CCDC68: variants seen among roughly 807,000 people sequenced by gnomAD.
CCDC68 encodes coiled-coil domain containing 68, also known as coiled-coil domain-containing protein 68.
In CCDC68, 45 loss-of-function variants were observed where a neutral mutation model predicts 47.1. The observed-to-expected ratio is 0.96, with a 90% CI of 0.75 to 1.23. The LOEUF is 1.23. Ranked by LOEUF, CCDC68 falls within the 50% of genes most tolerant of loss-of-function variation. CCDC68 has a pLI of 0.00. For synonymous variants in CCDC68, 131 were observed against 129.5 expected, an observed-to-expected ratio of 1.01 and a Z score of -0.08; for missense variants, 353 against 373.6, an observed-to-expected ratio of 0.94 and a Z score of 0.45.
intron 7 of CCDC68, among the ~76,000 whole-genome samples, chr18:54,930,070 A>G (rs967455470): frequency 2.6e-5 from 4 of 152,198 alleles, no homozygotes; most frequent in Non-Finnish European, 4.4e-5. Flanking sequence ...CCGGTAGAAG[A>G]CATAATCCCA....
chr18:54,948,576 C>T (rs1555678755), intron 1 of CCDC68, among the ~76,000 whole-genome samples: 3 of 152,180 alleles, frequency 2.0e-5, no homozygotes. Context: ...GAGACTGTAA[C>T]AAGAGTGTTT....
intron 11 of CCDC68, among the ~76,000 whole-genome samples, chr18:54,906,313 C>T (rs916359459): frequency 2.6e-5 from 4 of 152,088 alleles, no homozygotes; most frequent in Non-Finnish European, 5.9e-5. Flanking sequence ...CCCCATTTGG[C>T]CTTTCCCAAG....
chr18:54,937,850 G>T, intron 5 of CCDC68, 107 bp downstream of exon 5: 1 of 840,912 alleles, frequency 1.2e-6, no homozygotes, highest in Non-Finnish European at 1.8e-6. Context: ...TGGACCTATG[G>T]ATGTGTGTGG....
At chr18:54,944,858 A>G (rs2044499783) in intron 2 of CCDC68, among the ~76,000 whole-genome samples, 1 of 152,226 alleles carries the variant, frequency 6.6e-6, no homozygotes, top group Non-Finnish European at 1.5e-5. Flanking sequence ...TTAACCTGAG[A>G]GACACCATTA....
rs1162357729 is a variant in CCDC68, at chr18:54,912,654, A to G, written c.874-4792T>C. On this transcript the variant is annotated intron_variant, in intron 10 of 11. Coordinates refer to ENST00000591504, the MANE Select transcript of CCDC68 (RefSeq NM_025214.3). ...TGTATACACATACACACACACACACATTTAATCACCCAGTGTATTAGTCTG... is the reference window on the plus strand; with the variant it reads ...TGTATACACATACACACACACACACGTTTAATCACCCAGTGTATTAGTCTG... Among the ~76,000 whole-genome samples, 4 of 152,186 alleles carry G rather than the reference A, an allele frequency of 2.6e-5. No individual in the cohort carries two copies. The East Asian group carries it at 7.7e-4, about 29-fold the overall frequency.
chr18:54,924,649 G>C (rs774587143), intron 8 of CCDC68, among the ~76,000 whole-genome samples: 3 of 152,194 alleles, frequency 2.0e-5, no homozygotes, highest in Non-Finnish European at 2.9e-5. Flanking sequence ...GCAGAAATGT[G>C]AAAAGAAATT....
chr18:54,921,951 G>C (rs994101444), intron 8 of CCDC68, among the ~76,000 whole-genome samples: 1 of 152,094 alleles, frequency 6.6e-6, no homozygotes, highest in Non-Finnish European at 1.5e-5. Context: ...TAGGGAATCC[G>C]AACCAAGTAA....
chr18:54,930,952 A>G (rs557468279), intron 7 of CCDC68, among the ~76,000 whole-genome samples: 5 of 151,690 alleles, frequency 3.3e-5, no homozygotes, highest in African/African-American at 1.2e-4. Flanking sequence ...TCCTGACCTC[A>G]GGTGATCCAC....
chr18:54,951,407 G>C, intron 1 of CCDC68, among the ~76,000 whole-genome samples: 1 of 152,160 alleles, frequency 6.6e-6, no homozygotes, highest in South Asian at 2.1e-4. Context: ...TATATGCCAG[G>C]TAGGGTATGC....
chr18:54,956,927 T>A (rs1045239456), intron 1 of CCDC68, among the ~76,000 whole-genome samples: 21 of 151,376 alleles, frequency 1.4e-4, no homozygotes, highest in Non-Finnish European at 2.4e-4. Flanking sequence ...AAAGCTTTTT[T>A]AAAAAAAAAT....
intron 7 of CCDC68, among the ~76,000 whole-genome samples, chr18:54,933,904 A>C (rs2044303786): frequency 6.6e-6 from 1 of 152,254 alleles, no homozygotes; most frequent in African/African-American, 2.4e-5. Context: ...ATTTTTAAAC[A>C]AATCAAGTTT....
intron 8 of CCDC68, among the ~76,000 whole-genome samples, chr18:54,923,473 A>C (rs918533969): frequency 1.3e-5 from 2 of 152,102 alleles, no homozygotes; most frequent in African/African-American, 4.8e-5. Context: ...TTGGCCTCAA[A>C]ATAGAAGAAA....
intron 5 of CCDC68, 43 bp downstream of exon 5, chr18:54,937,914 C>T (rs982691892): frequency 4.1e-5 from 64 of 1,574,262 alleles, no homozygotes; most frequent in Non-Finnish European, 4.9e-5. Flanking sequence ...TCTATTAGCT[C>T]GAAGGCTCAA....
At chr18:54,924,420 G>A (rs2044112530) in intron 8 of CCDC68, among the ~76,000 whole-genome samples, 1 of 152,026 alleles carries the variant, frequency 6.6e-6, no homozygotes, top group Non-Finnish European at 1.5e-5. Context: ...TCCCAGACTT[G>A]GAGCTGGAAA....
Position 54,904,056 on chromosome 18 carries a change from G to GAA in CCDC68, c.*300_*301dup. 1 of 257,866 alleles carries GAA rather than the reference G, an allele frequency of 3.9e-6. No homozygotes were observed. The highest frequency in any genetic ancestry group is 7.2e-6 in the Non-Finnish European group (1 of 139,512). The allele number at this position is 257,866 out of a possible 1,614,324, so 16.0% of individuals were successfully genotyped here. On this transcript the variant is annotated 3_prime_UTR_variant, in exon 12 of 12. Coordinates refer to ENST00000591504, the MANE Select transcript of CCDC68 (RefSeq NM_025214.3). ...TGACAATCTTAAAACAATCCCAGTA[G>GAA]AAAAAAAAATCTGAAAACAAGATTC...
intron 8 of CCDC68, among the ~76,000 whole-genome samples, chr18:54,921,950 C>T (rs897977002): frequency 6.6e-5 from 10 of 152,128 alleles, no homozygotes; most frequent in Non-Finnish European, 1.3e-4. Context: ...GTAGGGAATC[C>T]GAACCAAGTA....
At chr18:54,922,498 G>A (rs1390235103) in intron 8 of CCDC68, among the ~76,000 whole-genome samples, 4 of 152,006 alleles carry the variant, frequency 2.6e-5, no homozygotes, top group Admixed American at 2.6e-4. Flanking sequence ...CAGAGGATGG[G>A]GTAACTAAGG....
intron 1 of CCDC68, among the ~76,000 whole-genome samples, chr18:54,951,617 AG>A (rs1269090675): frequency 1.3e-5 from 2 of 152,210 alleles, no homozygotes; most frequent in Non-Finnish European, 2.9e-5. Flanking sequence ...TACATTCTGA[AG>A]GAGTTTCTAA....
In CCDC68 at chr18:54,902,359, A is replaced by G. The variant is rs1348138473; in HGVS notation, c.*1999T>C. On this transcript the variant is annotated 3_prime_UTR_variant, in exon 12 of 12. Coordinates refer to ENST00000591504, the MANE Select transcript of CCDC68 (RefSeq NM_025214.3). ...AAGCCCATTCCAAAATCTGAAATTT[A>G]TTACAATCCAGCATGATGAATGAGG... The G allele has an allele frequency of 6.6e-6, 1 of 152,206 alleles. No homozygotes were observed. Among genetic ancestry groups the G allele is most frequent in the Admixed American group, 6.5e-5 (1 of 15,284 alleles). 9.4% of individuals were successfully genotyped at this position (152,206 alleles called of 1,614,324 possible). A position where few individuals can be genotyped will look rare whatever the true frequency, so the allele number is the denominator to read the frequency against.
Sources: allele counts gnomAD v4.1 joint callset (sites outside exome capture counted in the v4.1 genomes callset), GRCh38; gene constraint gnomAD v4.1.1; transcripts MANE v1.5; gene names NCBI Gene and HGNC (gene_info 2026-07-23, HGNC 2026-07-21).